Variants in FYTTD1 observed in about 807,000 individuals in gnomAD.
The protein encoded by FYTTD1 is forty-two-three domain containing 1.
FYTTD1 carries 22 observed loss-of-function variants against 40.9 expected under a neutral mutation model. The ratio of observed to expected loss-of-function variants is 0.54; its 90% CI spans 0.38 to 0.77. The LOEUF is 0.77. Ranked by LOEUF, FYTTD1 falls within the 30% of genes least tolerant of loss-of-function variation. The pLI, the probability that FYTTD1 is intolerant of heterozygous loss-of-function variation, is 0.00. For missense variants in FYTTD1, 351 were observed against 392.2 expected (o/e 0.90, Z 0.89); for synonymous variants, 140 against 137.9 (o/e 1.01, Z -0.10).
At chr3:197,778,829 A>G (rs1348957068) in intron 8 of FYTTD1, among the ~76,000 whole-genome samples, 1 of 152,178 alleles carries the variant, frequency 6.6e-6, no homozygotes, top group African/African-American at 2.4e-5. Flanking sequence ...GGATATTAGG[A>G]ATAATACTGC....
At chr3:197,770,455 G>A (rs891984445) in intron 4 of FYTTD1, among the ~76,000 whole-genome samples, 1 of 152,162 alleles carries the variant, frequency 6.6e-6, no homozygotes, top group Non-Finnish European at 1.5e-5. Context: ...ACCGATATAA[G>A]CTTTTTAAAA....
At chr3:197,754,621 G>A (rs1419085507) in intron 1 of FYTTD1, among the ~76,000 whole-genome samples, 1 of 150,036 alleles carries the variant, frequency 6.7e-6, no homozygotes, top group African/African-American at 2.4e-5. Flanking sequence ...AATAATACTG[G>A]AATTAGGACT....
chr3:197,772,798 G>A (rs369187612), intron 4 of FYTTD1, among the ~76,000 whole-genome samples: 5 of 152,056 alleles, frequency 3.3e-5, no homozygotes, highest in African/African-American at 1.2e-4. Flanking sequence ...TAGTAGAGAC[G>A]GGGTTTTACC....
At chr3:197,768,728 A>G in intron 3 of FYTTD1, 141 bp downstream of exon 3, 1 of 593,984 alleles carries the variant, frequency 1.7e-6, no homozygotes, top group Admixed American at 3.6e-5. Flanking sequence ...ATATCTAAAT[A>G]AAAATCATTG....
intron 6 of FYTTD1, among the ~76,000 whole-genome samples, chr3:197,776,388 T>G (rs1205142980): frequency 6.7e-6 from 1 of 148,268 alleles, no homozygotes; most frequent in Non-Finnish European, 1.5e-5. Flanking sequence ...AAATTTGTTT[T>G]TTTTTTTTTT....
intron 1 of FYTTD1, among the ~76,000 whole-genome samples, chr3:197,752,453 A>G (rs1032605286): frequency 1.3e-5 from 2 of 152,210 alleles, no homozygotes; most frequent in African/African-American, 4.8e-5. Flanking sequence ...TTTTCCACAT[A>G]CACTATATAT....
intron 2 of FYTTD1, among the ~76,000 whole-genome samples, chr3:197,757,041 A>C (rs528995821): frequency 1.3e-5 from 2 of 152,348 alleles, no homozygotes; most frequent in Middle Eastern, 3.4e-3. Context: ...TTTGTATATG[A>C]GAACTCTTTA....
At chr3:197,754,191 G>A (rs967241521) in intron 1 of FYTTD1, among the ~76,000 whole-genome samples, 3 of 152,106 alleles carry the variant, frequency 2.0e-5, no homozygotes, top group Non-Finnish European at 4.4e-5. Flanking sequence ...CTTTGTGAAA[G>A]GAAAGTGGTG....
At chr3:197,750,265 C>A in intron 1 of FYTTD1, 191 bp downstream of exon 1, 1 of 919,784 alleles carries the variant, frequency 1.1e-6, no homozygotes, top group African/African-American at 1.7e-5. Flanking sequence ...GGCTGGACCG[C>A]GAGGGACCCG....
chr3:197,766,430 GGTGTGTGTGTGTGT>G (rs111725145), intron 2 of FYTTD1, among the ~76,000 whole-genome samples: 1 of 134,996 alleles, frequency 7.4e-6, no homozygotes, highest in Non-Finnish European at 1.6e-5. Flanking sequence ...GTTTGAGACT[GGTGTGTGTGTGTGT>G]GTGTGTGTGT....
At chr3:197,750,107 G>A (rs147513449) in intron 1 of FYTTD1, 33 bp downstream of exon 1, 3 of 1,480,976 alleles carry the variant, frequency 2.0e-6, no homozygotes, top group Non-Finnish European at 2.7e-6. Context: ...GTTGGAGTGC[G>A]GGGGAGGGCG....
chr3:197,750,099 TGGAGTGCGGG>T (rs1728956972), intron 1 of FYTTD1, 25 bp downstream of exon 1: 1 of 1,521,382 alleles, frequency 6.6e-7, no homozygotes. Context: ...TGGACCGAGT[TGGAGTGCGGG>T]GGAGGGCGCG....
In FYTTD1 at chr3:197,782,954, A is replaced by G. The variant is rs1473391892; in HGVS notation, c.*1045A>G. On this transcript the variant is annotated 3_prime_UTR_variant, in exon 9 of 9. Transcript: ENST00000241502. ...CTAAATTAAATAATTTATAGCTCCAAAAACAAAAATATACTTGTATATGTC... is the reference window on the plus strand; with the variant it reads ...CTAAATTAAATAATTTATAGCTCCAGAAACAAAAATATACTTGTATATGTC... 6.5e-6 allele frequency: 1 copy of G among 152,684 alleles called. No individual in the cohort carries two copies. The highest frequency in any genetic ancestry group is 1.5e-5 in the Non-Finnish European group (1 of 68,052). The allele number at this position is 152,684 out of a possible 1,614,324, so 9.5% of individuals were successfully genotyped here.
chr3:197,756,998 C>T (rs951559115), intron 2 of FYTTD1, among the ~76,000 whole-genome samples: 3 of 152,212 alleles, frequency 2.0e-5, no homozygotes, highest in Non-Finnish European at 4.4e-5. Context: ...GCATGCCTAT[C>T]ACTTCGGTAA....
At chr3:197,776,205 ATTTT>A (rs546104827) in intron 6 of FYTTD1, among the ~76,000 whole-genome samples, 1 of 139,444 alleles carries the variant, frequency 7.2e-6, no homozygotes, top group Non-Finnish European at 1.6e-5. Context: ...CATCATAGCA[ATTTT>A]TTTTTTTTTT....
chr3:197,774,395 A>G (rs1407371298), intron 6 of FYTTD1, among the ~76,000 whole-genome samples, 185 bp downstream of exon 6: 3 of 152,218 alleles, frequency 2.0e-5, no homozygotes, highest in African/African-American at 7.2e-5. Flanking sequence ...AAGCAAGAGA[A>G]TTGATGGAGC....
intron 1 of FYTTD1, chr3:197,750,437 C>A: frequency 9.9e-7 from 1 of 1,011,654 alleles, no homozygotes; most frequent in Non-Finnish European, 1.2e-6. Context: ...CTGCCGGTTT[C>A]CCCGGAGCGC....
At chr3:197,759,897 G>A (rs111494206) in intron 2 of FYTTD1, among the ~76,000 whole-genome samples, 4,053 of 140,982 alleles carry the variant, frequency 0.029, 90 homozygotes, top group African/African-American at 0.058. Flanking sequence ...GAATGTATAG[G>A]GTGTTCCTCA....
chr3:197,770,341 T>C (rs999134296), intron 4 of FYTTD1, 97 bp downstream of exon 4: 2 of 744,878 alleles, frequency 2.7e-6, no homozygotes, highest in Non-Finnish European at 4.6e-6. Flanking sequence ...TTTTTAGTTA[T>C]CTGGTCATTT....
Sources: gnomAD v4.1 joint callset for allele counts (sites outside exome capture counted in the v4.1 genomes callset) on GRCh38, gnomAD v4.1.1 for gene constraint, MANE v1.5 for transcripts, NCBI Gene and HGNC (gene_info 2026-07-23, HGNC 2026-07-21) for gene names.